The following CDC73 variants were observed in gnomAD, a reference collection of about 807,000 sequenced individuals.
The protein encoded by CDC73 is parafibromin.
A neutral mutation model predicts 83.7 loss-of-function variants in CDC73; 21 were observed. The observed-to-expected ratio is 0.25, with a 90% CI of 0.18 to 0.36. CDC73 has a LOEUF of 0.36. Ranked by LOEUF, CDC73 falls within the 10% of genes least tolerant of loss-of-function variation. The pLI, the probability that CDC73 is intolerant of heterozygous loss-of-function variation, is 1.00. For synonymous variants in CDC73, 224 were observed against 212.9 expected, an observed-to-expected ratio of 1.05 and a Z score of -0.45; for missense variants, 342 against 653.3, an observed-to-expected ratio of 0.52 and a Z score of 5.19.
intron 10 of CDC73, among the ~76,000 whole-genome samples, chr1:193,176,723 A>G (rs115245682): frequency 0.012 from 1,839 of 152,306 alleles, 18 homozygotes; most frequent in South Asian, 0.034. Flanking sequence ...TAAACAGTAA[A>G]AAATAGAAAA....
intron 14 of CDC73, among the ~76,000 whole-genome samples, 189 bp downstream of exon 14, chr1:193,233,343 A>C (rs1017176616): frequency 6.6e-6 from 1 of 152,216 alleles, no homozygotes; most frequent in African/African-American, 2.4e-5. Context: ...CTACAGGTGC[A>C]TGCCACTGCA....
At chr1:193,226,048 T>C (rs1341917094) in intron 13 of CDC73, among the ~76,000 whole-genome samples, 6 of 152,178 alleles carry the variant, frequency 3.9e-5, no homozygotes, top group African/African-American at 1.4e-4. Flanking sequence ...GTCTTTGTCC[T>C]TGATGTGTTT....
Position 193,142,069 on chromosome 1 carries a change from A to G in CDC73, c.729+3A>G. ...CTATCTTACAAAGCACAGGAAAGGTAATTAAAATATTTTACTCATTCATTG... is the reference window on the plus strand; with the variant it reads ...CTATCTTACAAAGCACAGGAAAGGTGATTAAAATATTTTACTCATTCATTG... On this transcript the variant is annotated splice_donor_region_variant and intron_variant, in intron 7 of 16. Coordinates refer to ENST00000367435, the MANE Select transcript of CDC73 (RefSeq NM_024529.5). 6.2e-7 allele frequency: 1 copy of G among 1,605,068 alleles called. No homozygotes were observed.
Position 193,131,397 on chromosome 1 carries a change from A to G in CDC73, c.307+1154A>G, listed in dbSNP as rs1000494110. 7.2e-5 allele frequency among the ~76,000 whole-genome samples: 11 copies of G among 152,162 alleles called. No individual in the cohort carries two copies. In the East Asian group the frequency reaches 1.2e-3, roughly 16 times the overall value. On this transcript the variant is annotated intron_variant, in intron 3 of 16. Transcript: ENST00000367435. ...AAGTATGACAACTTCTTACCATTCT[A>G]CCTGCCCTATTTCATCCTTGCTTTT...
chr1:193,208,090 A>T (rs186082784), intron 11 of CDC73, among the ~76,000 whole-genome samples: 2 of 152,322 alleles, frequency 1.3e-5, no homozygotes, highest in Admixed American at 1.3e-4. Flanking sequence ...CTGCTTTTTC[A>T]TAGAGTGACA....
chr1:193,210,363 A>C (rs1336476283), intron 11 of CDC73, among the ~76,000 whole-genome samples: 1 of 152,230 alleles, frequency 6.6e-6, no homozygotes, highest in Non-Finnish European at 1.5e-5. Flanking sequence ...ATTTTTAAGA[A>C]CTGACATTGA....
intron 9 of CDC73, among the ~76,000 whole-genome samples, chr1:193,151,749 C>T (rs865830846): frequency 1.3e-5 from 2 of 151,960 alleles, no homozygotes; most frequent in Admixed American, 6.6e-5. Flanking sequence ...ATGGCAAAAC[C>T]GCATCTCTAC....
At chr1:193,205,594 A>C (rs942524093) in intron 11 of CDC73, among the ~76,000 whole-genome samples, 1 of 152,076 alleles carries the variant, frequency 6.6e-6, no homozygotes, top group African/African-American at 2.4e-5. Context: ...GTAGGTGTGG[A>C]AAAGAGGAGT....
At chr1:193,181,302 G>A (rs768636884) in intron 10 of CDC73, 1 of 1,613,950 alleles carries the variant, frequency 6.2e-7, no homozygotes, top group East Asian at 2.2e-5. Flanking sequence ...GGGTTTGAGG[G>A]ACTGTTTCTT....
chr1:193,232,882 A>G (rs1677685093), intron 13 of CDC73, 111 bp from the exon 14 acceptor site: 3 of 875,710 alleles, frequency 3.4e-6, no homozygotes, highest in Non-Finnish European at 5.4e-6. Flanking sequence ...TAGCCTGGGC[A>G]ATAAGAAAAA....
intron 10 of CDC73, among the ~76,000 whole-genome samples, chr1:193,170,861 T>G (rs1676507285): frequency 6.6e-6 from 1 of 152,178 alleles, no homozygotes; most frequent in African/African-American, 2.4e-5. Flanking sequence ...CACCCTGAAC[T>G]GGAGGCAACA....
intron 15 of CDC73, among the ~76,000 whole-genome samples, chr1:193,241,306 G>C (rs1677853775): frequency 6.6e-6 from 1 of 152,206 alleles, no homozygotes; most frequent in Non-Finnish European, 1.5e-5. Flanking sequence ...AGTGGCTTAA[G>C]GTTTGCTTGT....
chr1:193,232,961 ATT>A (rs1677686729), intron 13 of CDC73, 30 bp from the exon 14 acceptor site: 3 of 1,590,020 alleles, frequency 1.9e-6, no homozygotes, highest in Middle Eastern at 1.7e-4. Context: ...CGTGGAATAC[ATT>A]GACTTTTTCT....
intron 15 of CDC73, among the ~76,000 whole-genome samples, chr1:193,242,793 T>C (rs1677885101): frequency 6.6e-6 from 1 of 152,228 alleles, no homozygotes; most frequent in East Asian, 1.9e-4. Context: ...TGATCTCTTT[T>C]GCTTTGTTGC....
chr1:193,187,696 A>G (rs1676843570), intron 10 of CDC73, among the ~76,000 whole-genome samples: 1 of 152,122 alleles, frequency 6.6e-6, no homozygotes. Context: ...AATATATGCT[A>G]TTTCAAATGA....
intron 9 of CDC73, among the ~76,000 whole-genome samples, chr1:193,151,154 A>G (rs1676101040): frequency 6.6e-6 from 1 of 152,186 alleles, no homozygotes; most frequent in African/African-American, 2.4e-5. Context: ...TTCATTCATC[A>G]TGACTTGATT....
chr1:193,159,740 T>C (rs1192419117), intron 10 of CDC73, among the ~76,000 whole-genome samples: 1 of 152,216 alleles, frequency 6.6e-6, no homozygotes, highest in Non-Finnish European at 1.5e-5. Flanking sequence ...ACATATATAA[T>C]ATTTTGTAAA....
chr1:193,221,398 TG>T (rs1364279698), intron 13 of CDC73, among the ~76,000 whole-genome samples: 5 of 152,168 alleles, frequency 3.3e-5, no homozygotes, highest in African/African-American at 4.8e-5. Context: ...TTTTGTTTTT[TG>T]TTTTTTTTGG....
intron 10 of CDC73, among the ~76,000 whole-genome samples, chr1:193,174,832 A>G (rs1013712025): frequency 1.3e-5 from 2 of 152,104 alleles, no homozygotes; most frequent in Admixed American, 1.3e-4. Context: ...CCTTCTCTCC[A>G]TGTCACTACT....
Sources: gnomAD v4.1 joint callset for allele counts (sites outside exome capture counted in the v4.1 genomes callset) on GRCh38, gnomAD v4.1.1 for gene constraint, MANE v1.5 for transcripts, NCBI Gene and HGNC (gene_info 2026-07-23, HGNC 2026-07-21) for gene names.